The following HEATR5B variants were observed in gnomAD, a reference collection of about 807,000 sequenced individuals.
The protein encoded by HEATR5B is HEAT repeat-containing protein 5B.
HEATR5B carries 156 observed loss-of-function variants against 224.1 expected under a neutral mutation model. The ratio of observed to expected loss-of-function variants is 0.70; its 90% CI spans 0.61 to 0.80. The LOEUF (loss-of-function observed/expected upper bound fraction) is 0.80. Ranked by LOEUF, HEATR5B falls within the 30% of genes least tolerant of loss-of-function variation. The pLI is 0.00. For missense variants in HEATR5B, 2,323 were observed against 2,535.5 expected (o/e 0.92, Z 1.80); for synonymous variants, 1,027 against 893.0 (o/e 1.15, Z -2.68).
chr2:37,072,698 G>C (rs1041953242), intron 5 of HEATR5B, among the ~76,000 whole-genome samples: 3 of 151,912 alleles, frequency 2.0e-5, no homozygotes, highest in Admixed American at 6.6e-5. Flanking sequence ...TGAAACCAAA[G>C]CTGCTTCTTT....
chr2:37,002,311 G>A lies in HEATR5B; in HGVS notation c.5312C>T (p.Pro1771Leu). 1 of 1,614,168 alleles carries A rather than the reference G, an allele frequency of 6.2e-7. No homozygotes were observed. The highest frequency in any genetic ancestry group is 8.5e-7 in the Non-Finnish European group (1 of 1,180,014). The change falls in exon 32 of 36, where the codon CCC becomes CTC. Residue 1771 changes from proline to leucine, a missense_variant. Transcript: ENST00000233099. Reference protein sequence around the residue: ...ILSDLPSLCSPAGCMTILPTI... With the variant: ...ILSDLPSLCSLAGCMTILPTI... ...AATACTGATCAATACCGTACCAGCG[G>A]GTGAACAAAGGGATGGTAAATCAGA...
chr2:37,005,804 C>T, intron 29 of HEATR5B, 45 bp from the exon 30 acceptor site: 1 of 1,444,116 alleles, frequency 6.9e-7, no homozygotes, highest in South Asian at 1.4e-5. Context: ...TTATAAAACA[C>T]TTTATGTTGT....
intron 24 of HEATR5B, among the ~76,000 whole-genome samples, chr2:37,024,581 C>T (rs80200221): frequency 0.022 from 3,310 of 152,042 alleles, 113 homozygotes; most frequent in African/African-American, 0.075. Flanking sequence ...ATGTATTTTA[C>T]TACAACAAAA....
intron 15 of HEATR5B, 150 bp from the exon 16 acceptor site, chr2:37,056,765 T>C: frequency 1.6e-6 from 1 of 626,242 alleles, no homozygotes; most frequent in Non-Finnish European, 2.6e-6. Context: ...CAGACCAAAA[T>C]GTAATTTGGT....
At chr2:37,025,658 A>T (rs1330759776) in intron 24 of HEATR5B, among the ~76,000 whole-genome samples, 1 of 146,440 alleles carries the variant, frequency 6.8e-6, no homozygotes, top group Non-Finnish European at 1.5e-5. Flanking sequence ...AAAGCAAAAC[A>T]TCAATGTATA....
chr2:37,079,027 C>T (rs1054420584), intron 3 of HEATR5B, 93 bp downstream of exon 3: 4 of 703,988 alleles, frequency 5.7e-6, no homozygotes, highest in African/African-American at 5.4e-5. Flanking sequence ...AGGTTCCACC[C>T]ACCTGGGGGT....
At chr2:37,067,141 T>C (rs1374722917) in intron 8 of HEATR5B, among the ~76,000 whole-genome samples, 1 of 152,194 alleles carries the variant, frequency 6.6e-6, no homozygotes, top group Non-Finnish European at 1.5e-5. Context: ...CCCAAAGTGC[T>C]GGGATTACAG....
intron 8 of HEATR5B, among the ~76,000 whole-genome samples, chr2:37,066,130 A>T (rs766041153): frequency 6.6e-6 from 1 of 152,234 alleles, no homozygotes; most frequent in African/African-American, 2.4e-5. Flanking sequence ...ACTGAGATAC[A>T]TCTTTGCTTC....
chr2:37,028,007 G>C lies in HEATR5B; in HGVS notation c.3769C>G (p.Arg1257Gly). Residue 1257 changes from arginine (R) to glycine (G), a missense_variant, in exon 24 of 36, where the codon CGA becomes GGA. Physicochemically the swap from Arg to Gly is moderately radical, Grantham distance 125 (BLOSUM62 -2). Coordinates refer to ENST00000233099, the MANE Select transcript of HEATR5B (RefSeq NM_019024.3). Reference sequence around the variant, plus strand: ...GCATTCTCACACAAATTGATGATTCGACACAGGCAATCGGCAGCAAATACT... The same window carrying C: ...GCATTCTCACACAAATTGATGATTCCACACAGGCAATCGGCAGCAAATACT... ...TRVFAADCLC[R>G]IINLCENADQ... 1 of 1,614,094 alleles carries C rather than the reference G, an allele frequency of 6.2e-7. No individual in the cohort carries two copies.
intron 26 of HEATR5B, among the ~76,000 whole-genome samples, chr2:37,019,026 G>A (rs1668298470): frequency 6.6e-6 from 1 of 151,982 alleles, no homozygotes; most frequent in Non-Finnish European, 1.5e-5. Context: ...TGGGCGTGGT[G>A]GCGGGCACCT....
rs2148369765 is a variant in HEATR5B at position 37,000,641 on chromosome 2, C to T, written c.5490G>A (p.Gln1830=). 6.2e-7 allele frequency: 1 copy of T among 1,614,226 alleles called. No homozygotes were observed. Among genetic ancestry groups the T allele is most frequent in the Middle Eastern group, 1.6e-4 (1 of 6,062 alleles). The change falls in exon 33 of 36, where the codon CAG becomes CAA. Residue 1830 remains glutamine (Q), a synonymous_variant. Transcript: ENST00000233099. ...GCGTGCTACGAATCAGAGCTGTCCACTGTTTTTGAACGCCAGCCTCAGTTT... is the reference window on the plus strand; with the variant it reads ...GCGTGCTACGAATCAGAGCTGTCCATTGTTTTTGAACGCCAGCCTCAGTTT... ...MAKTEAGVQK[Q]WTALIRSTLA... is the part of the protein sequence containing the mutation.
intron 11 of HEATR5B, 116 bp from the exon 12 acceptor site, chr2:37,060,849 A>G: frequency 1.4e-6 from 1 of 696,030 alleles, no homozygotes; most frequent in Non-Finnish European, 2.3e-6. Flanking sequence ...AAAATAGAGT[A>G]AAATACTGAT....
At chr2:37,058,413 G>T in intron 14 of HEATR5B, 38 bp downstream of exon 14, 4 of 1,250,832 alleles carry the variant, frequency 3.2e-6, no homozygotes, top group Non-Finnish European at 4.7e-6. Flanking sequence ...GAATTGTAAA[G>T]AAAAATTTTT....
intron 20 of HEATR5B, among the ~76,000 whole-genome samples, chr2:37,039,009 A>G (rs1669704989): frequency 6.6e-6 from 1 of 151,946 alleles, no homozygotes; most frequent in Non-Finnish European, 1.5e-5. Context: ...TGGAGGAAAC[A>G]TAGCATAGAG....
At chr2:37,048,961 C>CTA (rs1415806367) in intron 18 of HEATR5B, among the ~76,000 whole-genome samples, 1 of 152,166 alleles carries the variant, frequency 6.6e-6, no homozygotes, top group Non-Finnish European at 1.5e-5. Context: ...ATTTAATACT[C>CTA]TATATATATG....
In HEATR5B at chr2:37,013,932, T is replaced by C. The variant is rs1667951455; in HGVS notation, c.4193A>G (p.Lys1398Arg). Residue 1398 changes from lysine (K) to arginine (R), a missense_variant, in exon 27 of 36, where the codon AAA (lysine) becomes AGA (arginine). Coordinates refer to ENST00000233099, the MANE Select transcript of HEATR5B (RefSeq NM_019024.3). ...GGAAGATCCTTTTCCAGCCTGAACT[T>C]TGTCCAGAGAAGAAACAAGAAGATT... ...VHNLLVSSLD[K>R]VQAGKGSSSQ... 2 of 1,613,124 alleles carry C rather than the reference T, an allele frequency of 1.2e-6. No homozygotes were observed. The highest frequency in any genetic ancestry group is 1.7e-6 in the Non-Finnish European group (2 of 1,179,568).
In HEATR5B at chr2:37,075,469, T is replaced by A; in HGVS notation, c.597+16A>T. The A allele has an allele frequency of 6.3e-7, 1 of 1,594,610 alleles. No homozygotes were observed. The highest frequency in any genetic ancestry group is 8.5e-7 in the Non-Finnish European group (1 of 1,170,530). ...GAAGGATAAAGAGCAGTATTCTAAA[T>A]TGGTCGAGTACTAACCTTGGCCACT... On this transcript the variant is annotated intron_variant, in intron 5 of 35. Coordinates refer to ENST00000233099, the MANE Select transcript of HEATR5B (RefSeq NM_019024.3).
At chr2:37,075,744 A>G in intron 4 of HEATR5B, 110 bp from the exon 5 acceptor site, 2 of 634,162 alleles carry the variant, frequency 3.2e-6, no homozygotes, top group Non-Finnish European at 5.1e-6. Context: ...TCCAAATTAT[A>G]AACGGTAAAT....
intron 33 of HEATR5B, among the ~76,000 whole-genome samples, chr2:36,997,957 T>C (rs1392358938): frequency 1.3e-5 from 2 of 152,250 alleles, no homozygotes; most frequent in Non-Finnish European, 2.9e-5. Flanking sequence ...CTGGTACTTG[T>C]TTTGATTCAT....
Sources: gnomAD v4.1 joint callset for allele counts (sites outside exome capture counted in the v4.1 genomes callset) on GRCh38, gnomAD v4.1.1 for gene constraint, MANE v1.5 for transcripts, NCBI Gene and HGNC (gene_info 2026-07-23, HGNC 2026-07-21) for gene names.